The following TMPRSS12 variants were observed in gnomAD, a reference collection of about 807,000 sequenced individuals.
TMPRSS12 encodes the protein transmembrane serine protease 12.
In TMPRSS12, 25 loss-of-function variants were observed where a neutral mutation model predicts 26.0. The observed-to-expected ratio is 0.96, with a 90% CI of 0.70 to 1.34. TMPRSS12 has a LOEUF of 1.34. Ranked by LOEUF, TMPRSS12 falls within the 40% of genes most tolerant of loss-of-function variation. The pLI is 0.00. For synonymous variants in TMPRSS12, 150 were observed against 161.7 expected, an observed-to-expected ratio of 0.93 and a Z score of 0.55; for missense variants, 441 against 440.1, an observed-to-expected ratio of 1.00 and a Z score of -0.02.
chr12:50,887,143 G>T, intron 4 of TMPRSS12, 119 bp from the exon 5 acceptor site: 2 of 1,009,960 alleles, frequency 2.0e-6, no homozygotes, highest in South Asian at 3.8e-5. Flanking sequence ...TAAATTGGGG[G>T]TATATTGAAA....
chr12:50,857,090 CAT>C (rs950164624), intron 2 of TMPRSS12, among the ~76,000 whole-genome samples: 1 of 152,010 alleles, frequency 6.6e-6, no homozygotes, highest in African/African-American at 2.4e-5. Context: ...ATTTTTTTTA[CAT>C]AGTTTTCTAG....
intron 3 of TMPRSS12, among the ~76,000 whole-genome samples, chr12:50,884,820 C>T (rs1022131592): frequency 6.6e-6 from 1 of 151,342 alleles, no homozygotes; most frequent in African/African-American, 2.4e-5. Flanking sequence ...TGTAGTGAGC[C>T]GAGATCACGC....
intron 2 of TMPRSS12, among the ~76,000 whole-genome samples, chr12:50,845,714 T>G (rs975046377): frequency 2.6e-5 from 4 of 152,210 alleles, no homozygotes; most frequent in Non-Finnish European, 4.4e-5. Context: ...ATTTGCTTCT[T>G]CTGTCCCTCC....
chr12:50,872,742 ATAC>A (rs1938068332), intron 3 of TMPRSS12, among the ~76,000 whole-genome samples: 1 of 110,706 alleles, frequency 9.0e-6, no homozygotes, highest in African/African-American at 3.7e-5. Context: ...GTACATATAT[ATAC>A]GTCTATATAT....
At chr12:50,850,732 C>T (rs761521229) in intron 2 of TMPRSS12, among the ~76,000 whole-genome samples, 17 of 152,206 alleles carry the variant, frequency 1.1e-4, no homozygotes, top group Non-Finnish European at 1.9e-4. Context: ...CCTGCTACTG[C>T]TGGCACATGC....
rs1045407266 is a variant in TMPRSS12, at chr12:50,856,661, A to AT, written c.384-2119dup. ...ATATTAAAAAAAAAATAAGTAGAAC[A>AT]TTTTTGTGGTTTTTTTGTTGTTGTT... On this transcript the variant is annotated intron_variant, in intron 2 of 4. Transcript: ENST00000398458. 2.0e-5 allele frequency among the ~76,000 whole-genome samples: 3 copies of AT among 151,546 alleles called. No homozygotes were observed. The East Asian group carries it at 5.8e-4, about 29-fold the overall frequency.
intron 3 of TMPRSS12, among the ~76,000 whole-genome samples, chr12:50,859,969 A>G (rs1397400676): frequency 1.3e-5 from 2 of 152,226 alleles, no homozygotes; most frequent in Non-Finnish European, 2.9e-5. Flanking sequence ...GTTCTTATAA[A>G]ACACTGAAAA....
Position 50,887,334 on chromosome 12 carries a change from T to TA in TMPRSS12, c.869dup (p.Tyr290Ter), listed in dbSNP as rs1938236926. 6 of 1,613,826 alleles carry TA rather than the reference T, an allele frequency of 3.7e-6. No homozygotes were observed. Among genetic ancestry groups the TA allele is most frequent in the Non-Finnish European group, 4.2e-6 (5 of 1,179,870 alleles). The change falls in exon 5 of 5, where the codon TAC becomes TAAC. Residue 290 changes from tyrosine to a stop codon, truncating the protein, a stop_gained and frameshift_variant. Transcript: ENST00000398458. LOFTEE classifies it low-confidence loss of function (END_TRUNC). ...ATTTTTTGTAATGGGAATTACCAGT[T>TA]ACGGACATGGCTGTGGTCGAAGAGG... ...KRFFVMGITS[Y>*]GHGCGRRGFP...
chr12:50,851,460 C>G (rs1342035194), intron 2 of TMPRSS12, among the ~76,000 whole-genome samples: 1 of 152,084 alleles, frequency 6.6e-6, no homozygotes, highest in African/African-American at 2.4e-5. Context: ...AAAAGAATCT[C>G]AGAGCTGGAA....
chr12:50,858,349 A>T (rs1174858834), intron 2 of TMPRSS12, among the ~76,000 whole-genome samples: 1 of 152,218 alleles, frequency 6.6e-6, no homozygotes, highest in Admixed American at 6.5e-5. Context: ...AAACTCAGAC[A>T]TATCTCTTTG....
chr12:50,861,874 A>G (rs1238954609), intron 3 of TMPRSS12, among the ~76,000 whole-genome samples: 3 of 151,616 alleles, frequency 2.0e-5, no homozygotes, highest in Non-Finnish European at 4.4e-5. Context: ...CAGTGGCGCA[A>G]TCTCGGCTCA....
intron 2 of TMPRSS12, among the ~76,000 whole-genome samples, chr12:50,857,799 T>C (rs1384194829): frequency 6.7e-6 from 1 of 149,952 alleles, no homozygotes; most frequent in African/African-American, 2.5e-5. Context: ...TTGTTGTTGT[T>C]GTTGTTGTCG....
intron 2 of TMPRSS12, among the ~76,000 whole-genome samples, chr12:50,846,770 GA>G (rs2139718760): frequency 8.9e-6 from 1 of 112,672 alleles, no homozygotes; most frequent in African/African-American, 5.8e-5. Context: ...TGTAGAGACA[GA>G]GTTTCACTAT....
chr12:50,873,228 G>A (rs1938083905), intron 3 of TMPRSS12, among the ~76,000 whole-genome samples: 1 of 151,990 alleles, frequency 6.6e-6, no homozygotes, highest in Non-Finnish European at 1.5e-5. Context: ...TCTACAAATA[G>A]GGTGCAGTGT....
At chr12:50,872,506 C>T (rs1326869545) in intron 3 of TMPRSS12, among the ~76,000 whole-genome samples, 1 of 95,334 alleles carries the variant, frequency 1.0e-5, no homozygotes, top group Non-Finnish European at 1.8e-5. Flanking sequence ...GGCGACAGAG[C>T]GAGACTCCGT....
At chr12:50,857,768 A>AT (rs1937892478) in intron 2 of TMPRSS12, among the ~76,000 whole-genome samples, 1 of 150,138 alleles carries the variant, frequency 6.7e-6, no homozygotes, top group Non-Finnish European at 1.5e-5. Context: ...ATTCATCTAG[A>AT]TTTTTTTCTG....
intron 2 of TMPRSS12, among the ~76,000 whole-genome samples, chr12:50,849,475 T>C (rs1592216702): frequency 1.3e-5 from 2 of 150,762 alleles, no homozygotes; most frequent in Admixed American, 1.3e-4. Flanking sequence ...ATGTAATTAC[T>C]ACAATCAAGA....
At chr12:50,843,799 C>G (rs1937737144) in intron 1 of TMPRSS12, 43 bp from the exon 2 acceptor site, 1 of 1,531,756 alleles carries the variant, frequency 6.5e-7, no homozygotes, top group African/African-American at 1.4e-5. Flanking sequence ...GTAACACATA[C>G]TATAGATGCT....
intron 3 of TMPRSS12, among the ~76,000 whole-genome samples, chr12:50,879,543 T>C (rs1938145135): frequency 6.6e-6 from 1 of 152,220 alleles, no homozygotes; most frequent in African/African-American, 2.4e-5. Flanking sequence ...ATATTAGTAA[T>C]TTTATTGGCC....
Sources: allele counts gnomAD v4.1 joint callset (sites outside exome capture counted in the v4.1 genomes callset), GRCh38; gene constraint gnomAD v4.1.1; transcripts MANE v1.5; gene names NCBI Gene and HGNC (gene_info 2026-07-23, HGNC 2026-07-21).